Variants in TRIM24 observed in about 807,000 individuals in gnomAD.
TRIM24 encodes transcription intermediary factor 1-alpha.
TRIM24 carries 29 observed loss-of-function variants against 123.9 expected under a neutral mutation model. The observed-to-expected ratio is 0.23, with a 90% confidence interval of 0.17 to 0.32. The LOEUF is 0.32. TRIM24 is among the 10% of genes least tolerant of loss of function. TRIM24 has a pLI of 1.00. For synonymous variants in TRIM24, 456 were observed against 461.1 expected, an observed-to-expected ratio of 0.99 and a Z score of 0.14; for missense variants, 932 against 1,295.3, an observed-to-expected ratio of 0.72 and a Z score of 4.31.
At position 138,531,200 on chromosome 7, in the gene TRIM24, TAC is replaced by T. The variant is rs1483838227; in HGVS notation, c.996+1972_996+1973del. On this transcript the variant is annotated intron_variant, in intron 6 of 18. Transcript: ENST00000343526. The stretch of plus-strand genomic sequence containing the variant: ...GCACATATGTATATGTATACATGTA[TAC>T]ATGTATACGTGTATGTTACATACGT... 4.0e-3 allele frequency among the ~76,000 whole-genome samples: 593 copies of T among 148,314 alleles called. 6 individuals are homozygous for T. Among genetic ancestry groups the T allele is most frequent in the African/African-American group, 0.015 (561 of 38,014 alleles).
At chr7:138,559,365 A>G (rs1486782809) in intron 9 of TRIM24, among the ~76,000 whole-genome samples, 2 of 152,182 alleles carry the variant, frequency 1.3e-5, no homozygotes, top group Non-Finnish European at 2.9e-5. Flanking sequence ...GTAGCAACAA[A>G]GTAAAGAGTA....
intron 6 of TRIM24, among the ~76,000 whole-genome samples, chr7:138,531,434 T>C (rs1314116946): frequency 6.8e-6 from 1 of 147,804 alleles, no homozygotes; most frequent in African/African-American, 2.5e-5. Flanking sequence ...GTTCTCATTG[T>C]TCAATTCCCA....
At chr7:138,560,733 C>T (rs1038831334) in intron 9 of TRIM24, among the ~76,000 whole-genome samples, 33 of 152,202 alleles carry the variant, frequency 2.2e-4, no homozygotes, top group African/African-American at 7.5e-4. Flanking sequence ...AGCCTCTCAT[C>T]AGAGAATTTC....
intron 10 of TRIM24, among the ~76,000 whole-genome samples, chr7:138,569,097 A>G (rs915673092): frequency 7.9e-5 from 12 of 152,168 alleles, no homozygotes; most frequent in African/African-American, 2.7e-4. Context: ...TTATTTTCCT[A>G]ATAATTTTGT....
At chr7:138,514,246 C>T (rs1796348149) in intron 2 of TRIM24, among the ~76,000 whole-genome samples, 1 of 152,198 alleles carries the variant, frequency 6.6e-6, no homozygotes, top group African/African-American at 2.4e-5. Flanking sequence ...CAACCCTCAC[C>T]AAAGCCACTG....
intron 6 of TRIM24, among the ~76,000 whole-genome samples, chr7:138,531,036 C>G (rs533479138): frequency 1.6e-4 from 24 of 152,246 alleles, no homozygotes; most frequent in Admixed American, 1.4e-3. Flanking sequence ...TCACTGCAGC[C>G]TCAAACTCCT....
chr7:138,556,071 C>T (rs1797310616), intron 9 of TRIM24, among the ~76,000 whole-genome samples: 1 of 152,060 alleles, frequency 6.6e-6, no homozygotes, highest in East Asian at 1.9e-4. Flanking sequence ...AAAATTATCC[C>T]TTAGATAAAT....
intron 1 of TRIM24, among the ~76,000 whole-genome samples, chr7:138,501,022 CTG>C (rs1287297176): frequency 6.6e-6 from 1 of 151,800 alleles, no homozygotes; most frequent in Non-Finnish European, 1.5e-5. Context: ...GCTTGCAGGA[CTG>C]TAATTTGCTC....
intron 1 of TRIM24, among the ~76,000 whole-genome samples, chr7:138,472,574 T>C (rs1795294705): frequency 6.6e-6 from 1 of 152,126 alleles, no homozygotes; most frequent in African/African-American, 2.4e-5. Flanking sequence ...GTTTTGAAGT[T>C]GACCAATAAA....
At chr7:138,511,570 G>A (rs192583234) in intron 2 of TRIM24, among the ~76,000 whole-genome samples, 75 of 152,166 alleles carry the variant, frequency 4.9e-4, no homozygotes, top group East Asian at 2.1e-3. Context: ...GATTATATGC[G>A]TGAGCCACTG....
rs1414755270 is a variant in TRIM24, at chr7:138,460,603, G to C, written c.55G>C (p.Ala19Pro). The C allele has an allele frequency of 7.4e-6, 10 of 1,350,072 alleles. No individual in the cohort carries two copies. Among genetic ancestry groups the C allele is most frequent in the African/African-American group, 1.5e-5 (1 of 65,524 alleles). 83.6% of individuals were successfully genotyped at this position (1,350,072 alleles called of 1,614,324 possible). The part of the protein sequence containing the change: ...VAAAAAASAA[A>P]SGGPSAAPSG... ...GGCGGCGGCAGCGGCCTCGGCTGCG[G>C]CCTCCGGGGGGCCCTCGGCGGCGCC... is the stretch of plus-strand genomic sequence containing the variant. The change falls in exon 1 of 19, where the codon GCC (alanine) becomes CCC (proline). Residue 19 changes from alanine (A) to proline (P), a missense_variant. This residue lies in a region of TRIM24 where 164 missense variants were observed against 181.9 expected (regional missense o/e 0.90). Transcript: ENST00000343526.
intron 7 of TRIM24, among the ~76,000 whole-genome samples, chr7:138,543,677 T>C (rs993565927): frequency 1.1e-4 from 16 of 152,252 alleles, no homozygotes; most frequent in African/African-American, 3.9e-4. Flanking sequence ...TATATGCATA[T>C]TGAAATTATT....
In TRIM24 at chr7:138,494,459, A is replaced by G. The variant is rs577435375; in HGVS notation, c.365-9831A>G. Among the ~76,000 whole-genome samples, 3 of 152,054 alleles carry G rather than the reference A, an allele frequency of 2.0e-5. No homozygotes were observed. The South Asian group carries it at 6.2e-4, about 32-fold the overall frequency. ...TGGAATTACTTCTGTGATTAACATG[A>G]ATGGTGGCTCATGCCTGTAATCCCA... On this transcript the variant is annotated intron_variant, in intron 1 of 18. Transcript: ENST00000343526.
At chr7:138,528,175 A>G (rs946946698) in intron 5 of TRIM24, among the ~76,000 whole-genome samples, 4 of 152,226 alleles carry the variant, frequency 2.6e-5, no homozygotes, top group Non-Finnish European at 5.9e-5. Context: ...CTAGATGGCT[A>G]CAATCCAGGC....
chr7:138,463,497 G>A (rs1264515099), intron 1 of TRIM24, among the ~76,000 whole-genome samples: 1 of 152,260 alleles, frequency 6.6e-6, no homozygotes, highest in East Asian at 1.9e-4. Flanking sequence ...CTCTGTAGGT[G>A]CTGGGATTAC....
At chr7:138,569,598 A>AGAG (rs1388017909) in intron 10 of TRIM24, among the ~76,000 whole-genome samples, 1 of 152,186 alleles carries the variant, frequency 6.6e-6, no homozygotes, top group Non-Finnish European at 1.5e-5. Flanking sequence ...TGTTCTTGGT[A>AGAG]GAGGAGGAGG....
At chr7:138,563,958 G>A (rs1797479965) in intron 9 of TRIM24, among the ~76,000 whole-genome samples, 1 of 152,134 alleles carries the variant, frequency 6.6e-6, no homozygotes, top group South Asian at 2.1e-4. Flanking sequence ...GTGCCTTCAG[G>A]TGCACTGGCT....
intron 1 of TRIM24, among the ~76,000 whole-genome samples, chr7:138,493,358 G>A (rs2116503643): frequency 6.6e-6 from 1 of 152,296 alleles, no homozygotes; most frequent in Admixed American, 6.5e-5. Flanking sequence ...GGTAACTCTG[G>A]AAAACAGATT....
chr7:138,509,701 C>CAA (rs538243079), intron 2 of TRIM24, among the ~76,000 whole-genome samples: 1,351 of 67,048 alleles, frequency 0.02, 78 homozygotes, highest in African/African-American at 0.052. Flanking sequence ...GACTCTGTCT[C>CAA]AAAAAAAAAA....
Sources: gnomAD v4.1 joint callset for allele counts (sites outside exome capture counted in the v4.1 genomes callset) on GRCh38, gnomAD v4.1.1 for gene constraint, gnomAD v4.1.1 regional missense constraint, MANE v1.5 for transcripts, NCBI Gene and HGNC (gene_info 2026-07-23, HGNC 2026-07-21) for gene names.